QSOX1: variants seen among roughly 807,000 people sequenced by gnomAD.
QSOX1 encodes sulfhydryl oxidase 1.
QSOX1 carries 40 observed loss-of-function variants against 76.1 expected under a neutral mutation model. That is an observed-to-expected ratio of 0.53 (90% CI 0.41 to 0.68). The LOEUF is 0.68. Among genes scored for constraint, QSOX1 ranks in the 30% least tolerant of loss-of-function variants. The pLI, the probability that QSOX1 is intolerant of heterozygous loss-of-function variation, is 0.00. For synonymous variants in QSOX1, 392 were observed against 413.1 expected, an observed-to-expected ratio of 0.95 and a Z score of 0.62; for missense variants, 931 against 974.3, an observed-to-expected ratio of 0.96 and a Z score of 0.59.
chr1:180,202,401 A>T lies in QSOX1; in HGVS notation c.*5364A>T, dbSNP rs1663654350. On this transcript the variant is annotated 3_prime_UTR_variant, in exon 12 of 12. Transcript: ENST00000367602. ...CTGCTGCAGTGCTTTGATGCCTTTCACCTGTGTCTACCTGCGAACCTCTGC... is the reference window on the plus strand; with the variant it reads ...CTGCTGCAGTGCTTTGATGCCTTTCTCCTGTGTCTACCTGCGAACCTCTGC... 1 of 152,054 alleles carries T rather than the reference A, an allele frequency of 6.6e-6. No homozygotes were observed. The highest frequency in any genetic ancestry group is 1.9e-4 in the East Asian group (1 of 5,174). 9.4% of individuals were successfully genotyped at this position (152,054 alleles called of 1,614,324 possible).
intron 4 of QSOX1, among the ~76,000 whole-genome samples, chr1:180,178,272 T>C (rs1207530883): frequency 6.6e-6 from 1 of 152,186 alleles, no homozygotes; most frequent in African/African-American, 2.4e-5. Context: ...GGAGTTTTGC[T>C]CTTGTAGCCC....
chr1:180,158,523 G>T (rs766560076), intron 1 of QSOX1, among the ~76,000 whole-genome samples: 5 of 152,218 alleles, frequency 3.3e-5, no homozygotes, highest in Non-Finnish European at 5.9e-5. Flanking sequence ...TGTCAGCCAG[G>T]TGTGAGGGGT....
At chr1:180,178,425 A>G (rs1034331242) in intron 4 of QSOX1, among the ~76,000 whole-genome samples, 2 of 152,120 alleles carry the variant, frequency 1.3e-5, no homozygotes, top group African/African-American at 4.8e-5. Context: ...ACGGGCTTTC[A>G]CCATGTTGGC....
rs749308471 is a variant in QSOX1 at position 180,189,538 on chromosome 1, G to A, written c.1018-14G>A. 7 of 1,596,120 alleles carry A rather than the reference G, an allele frequency of 4.4e-6. No homozygotes were observed. The Admixed American group carries it at 6.8e-5, about 16-fold the overall frequency. On this transcript the variant is annotated splice_polypyrimidine_tract_variant and intron_variant, in intron 8 of 11. Transcript: ENST00000367602. The stretch of plus-strand genomic sequence containing the variant: ...GCTTTTCACTCTCCAGCTTCCGCTT[G>A]TTCCTCCCCACAGTATTTCCCTGGC...
rs2149244400 is a variant in QSOX1 at position 180,197,265 on chromosome 1, C to T, written c.*228C>T. 1.2e-6 allele frequency: 2 copies of T among 1,611,268 alleles called. No individual in the cohort carries two copies. Among genetic ancestry groups the T allele is most frequent in the Non-Finnish European group, 8.5e-7 (1 of 1,179,152 alleles). On this transcript the variant is annotated 3_prime_UTR_variant, in exon 12 of 12. Coordinates refer to ENST00000367602, the MANE Select transcript of QSOX1 (RefSeq NM_002826.5). ...AGGTTCCCCTGCTGTGCAGGGAGGG[C>T]AGCCCCGGGCAGTGGGCATAGGGCA...
chr1:180,167,860 T>C (rs988139463), intron 2 of QSOX1, among the ~76,000 whole-genome samples: 3 of 152,154 alleles, frequency 2.0e-5, no homozygotes, highest in African/African-American at 7.2e-5. Flanking sequence ...AGGTGTGTAA[T>C]TGAGAATATT....
intron 7 of QSOX1, among the ~76,000 whole-genome samples, chr1:180,184,268 C>T (rs533656415): frequency 1.6e-4 from 25 of 152,274 alleles, no homozygotes; most frequent in Non-Finnish European, 2.8e-4. Context: ...GTGTCTGTTG[C>T]GGGGCCGGGG....
rs1483833426 is a variant in QSOX1, at chr1:180,198,681, A to C, written c.*1644A>C. 4 of 311,780 alleles carry C rather than the reference A, an allele frequency of 1.3e-5. No homozygotes were observed. Among genetic ancestry groups the C allele is most frequent in the African/African-American group, 4.4e-5 (2 of 45,692 alleles). The allele number at this position is 311,780 out of a possible 1,614,324, so 19.3% of individuals were successfully genotyped here. A position where few individuals can be genotyped will look rare whatever the true frequency, so the allele number is the denominator to read the frequency against. ...GCGCCTTGCTGGGCTCCTGGGTTGG[A>C]CTCCCTCTCTGTGCCCCTGCTCCAG... On this transcript the variant is annotated 3_prime_UTR_variant, in exon 12 of 12. Coordinates refer to ENST00000367602, the MANE Select transcript of QSOX1 (RefSeq NM_002826.5).
chr1:180,165,041 A>G (rs1319421746), intron 1 of QSOX1, among the ~76,000 whole-genome samples: 3 of 152,222 alleles, frequency 2.0e-5, no homozygotes, highest in East Asian at 1.9e-4. Flanking sequence ...ATCTGCCCCC[A>G]AGATCTAATA....
At chr1:180,175,192 G>T (rs1261517531) in intron 2 of QSOX1, 129 bp from the exon 3 acceptor site, 4 of 833,378 alleles carry the variant, frequency 4.8e-6, no homozygotes, top group Non-Finnish European at 8.1e-6. Flanking sequence ...AAAGAAACAG[G>T]CTCAACAACA....
chr1:180,196,395 C>A lies in QSOX1; in HGVS notation c.1602C>A (p.His534Gln). ...VEATLNFLKAHFSPSNIILDF... is the reference protein window; with the variant it reads ...VEATLNFLKAQFSPSNIILDF... ...CCACCCTCAACTTCCTCAAGGCCCA[C>A]TTCTCCCCAAGCAACATCATCCTGG... Residue 534 changes from histidine to glutamine, a missense_variant, in exon 12 of 12, where the codon CAC becomes CAA. By Grantham distance (24) the His-to-Gln change is conservative. Coordinates refer to ENST00000367602, the MANE Select transcript of QSOX1 (RefSeq NM_002826.5). The surrounding 1 kb of genome is among the most constrained non-coding windows in gnomAD (Gnocchi z 4.1). 1 of 1,614,242 alleles carries A rather than the reference C, an allele frequency of 6.2e-7. No homozygotes were observed. The highest frequency in any genetic ancestry group is 2.2e-5 in the East Asian group (1 of 44,886).
intron 11 of QSOX1, among the ~76,000 whole-genome samples, 171 bp downstream of exon 11, chr1:180,194,563 A>G (rs967472916): frequency 1.3e-5 from 2 of 152,208 alleles, no homozygotes; most frequent in Non-Finnish European, 2.9e-5. Flanking sequence ...GACATGAGGA[A>G]GCCAAGGCTT....
At chr1:180,192,501 T>C (rs181282865) in intron 10 of QSOX1, among the ~76,000 whole-genome samples, 2 of 152,268 alleles carry the variant, frequency 1.3e-5, no homozygotes, top group Admixed American at 1.3e-4. Context: ...GGACTAGGGT[T>C]GTCAGTGTGC....
Position 180,182,176 on chromosome 1 carries a change from G to A in QSOX1, c.609G>A (p.Val203=), listed in dbSNP as rs1238478200. 4.3e-6 allele frequency: 7 copies of A among 1,614,036 alleles called. No individual in the cohort carries two copies. The highest frequency in any genetic ancestry group is 5.9e-6 in the Non-Finnish European group (7 of 1,179,900). The change falls in exon 6 of 12, where the codon GTG becomes GTA. Residue 203 remains valine (V), a splice_region_variant and synonymous_variant. Coordinates refer to ENST00000367602, the MANE Select transcript of QSOX1 (RefSeq NM_002826.5). ...EKGGSYLGRE[V]ALDLSQHKGV... is the part of the protein sequence containing the mutation. Reference sequence around the variant, plus strand: ...CAGATGTTCTGCTGTCCCTGCAGGTGGCTCTGGACCTGTCCCAGCACAAAG... The same window carrying A: ...CAGATGTTCTGCTGTCCCTGCAGGTAGCTCTGGACCTGTCCCAGCACAAAG...
Position 180,186,056 on chromosome 1 carries a change from C to T in QSOX1, c.891C>T (p.Ser297=). The change falls in exon 8 of 12, where the codon TCC becomes TCT. Residue 297 remains serine (S), a synonymous_variant. Transcript: ENST00000367602. ...CTATCTCCCTCTGGGTCCTCAGCTC[C>T]AAGATCTACATGGCTGACCTGGAAT... ...APTVWKLADR[S]KIYMADLESA... is the part of the protein sequence containing the mutation. 6.2e-7 allele frequency: 1 copy of T among 1,614,102 alleles called. No individual in the cohort carries two copies. Among genetic ancestry groups the T allele is most frequent in the African/African-American group, 1.3e-5 (1 of 75,054 alleles).
intron 4 of QSOX1, among the ~76,000 whole-genome samples, chr1:180,177,654 G>C (rs544281397): frequency 7.9e-4 from 121 of 152,310 alleles, no homozygotes; most frequent in Middle Eastern, 3.4e-3. Flanking sequence ...GGGGAAAGGG[G>C]TACTGGCCCC....
chr1:180,195,648 T>A (rs547576135), intron 11 of QSOX1, among the ~76,000 whole-genome samples: 1 of 152,140 alleles, frequency 6.6e-6, no homozygotes, highest in African/African-American at 2.4e-5. Context: ...GCATCCTGAC[T>A]CTTCCAAGTA....
At chr1:180,177,497 G>C (rs12406041) in intron 4 of QSOX1, among the ~76,000 whole-genome samples, 25,216 of 152,178 alleles carry the variant, frequency 0.17, 2,153 homozygotes, top group Middle Eastern at 0.22. Flanking sequence ...TCAGGCAATC[G>C]GCCTGCCTTG....
chr1:180,164,016 A>G (rs1278750558), intron 1 of QSOX1, among the ~76,000 whole-genome samples: 1 of 152,178 alleles, frequency 6.6e-6, no homozygotes, highest in Non-Finnish European at 1.5e-5. Context: ...CCAACCTAGG[A>G]CAGGCATGAA....
Sources: gnomAD v4.1 joint callset for allele counts (sites outside exome capture counted in the v4.1 genomes callset) on GRCh38, gnomAD v4.1.1 for gene constraint, Gnocchi (gnomAD v3.1) non-coding constraint, MANE v1.5 for transcripts, NCBI Gene and HGNC (gene_info 2026-07-23, HGNC 2026-07-21) for gene names.